CHST9: variants seen among roughly 807,000 people sequenced by gnomAD.
The protein encoded by CHST9 is GalNAc-4-sulfotransferase 2.
Under a neutral mutation model 44.4 loss-of-function variants are expected in CHST9, and 41 were observed. That is an observed-to-expected ratio of 0.92 (90% CI 0.72 to 1.20). The LOEUF is 1.20. CHST9 is among the 50% of genes most tolerant of loss of function. CHST9 has a pLI of 0.00. For missense variants in CHST9, 504 were observed against 516.5 expected, an observed-to-expected ratio of 0.98 and a Z score of 0.23; for synonymous variants, 171 against 178.4, an observed-to-expected ratio of 0.96 and a Z score of 0.33.
At chr18:27,130,039 A>G (rs752023730) in intron 2 of CHST9, among the ~76,000 whole-genome samples, 1 of 152,178 alleles carries the variant, frequency 6.6e-6, no homozygotes, top group African/African-American at 2.4e-5. Flanking sequence ...TCAGCATGGA[A>G]AAACAATTAG....
chr18:27,114,189 T>C (rs1213643047), intron 2 of CHST9, among the ~76,000 whole-genome samples: 1 of 152,214 alleles, frequency 6.6e-6, no homozygotes, highest in Admixed American at 6.5e-5. Context: ...GGTGATGTTT[T>C]ATGTTTGAGG....
At chr18:26,995,259 TAAAAAAA>T (rs56839431) in intron 4 of CHST9, among the ~76,000 whole-genome samples, 1 of 110,112 alleles carries the variant, frequency 9.1e-6, no homozygotes, top group African/African-American at 3.3e-5. Context: ...CCATCTCTAC[TAAAAAAA>T]AAAAAAAAAA....
At chr18:26,961,921 T>A (rs901676792) in intron 4 of CHST9, among the ~76,000 whole-genome samples, 2 of 152,146 alleles carry the variant, frequency 1.3e-5, no homozygotes, top group Admixed American at 1.3e-4. Context: ...CTAGTTTGTG[T>A]TGGTCTTGGG....
At chr18:27,080,350 A>T (rs966033756) in intron 2 of CHST9, among the ~76,000 whole-genome samples, 1 of 151,544 alleles carries the variant, frequency 6.6e-6, no homozygotes, top group Admixed American at 6.6e-5. Flanking sequence ...TACTTGGTTA[A>T]CTCTTACTTA....
intron 1 of CHST9, among the ~76,000 whole-genome samples, chr18:27,157,667 TA>T (rs1598765358): frequency 6.6e-6 from 1 of 152,136 alleles, no homozygotes; most frequent in Admixed American, 6.6e-5. Context: ...GTGCTCACAT[TA>T]AAATTCCAAA....
chr18:27,164,539 G>A (rs1404841684), intron 1 of CHST9, among the ~76,000 whole-genome samples: 3 of 152,018 alleles, frequency 2.0e-5, no homozygotes, highest in Non-Finnish European at 4.4e-5. Flanking sequence ...ACAAAATGAA[G>A]AAGACCATTA....
chr18:27,099,241 G>A (rs2058147452), intron 2 of CHST9, among the ~76,000 whole-genome samples: 2 of 152,074 alleles, frequency 1.3e-5, no homozygotes, highest in South Asian at 4.1e-4. Context: ...AATCCTAGAA[G>A]AAAACTGAGG....
chr18:27,000,375 T>G (rs1164304941), intron 4 of CHST9, among the ~76,000 whole-genome samples: 2 of 152,252 alleles, frequency 1.3e-5, no homozygotes. Flanking sequence ...ATGAGTTAAG[T>G]GGCAAAGGTG....
intron 5 of CHST9, among the ~76,000 whole-genome samples, chr18:26,919,038 G>T (rs1174323288): frequency 6.6e-6 from 1 of 152,152 alleles, no homozygotes; most frequent in Non-Finnish European, 1.5e-5. Context: ...AAGAGGGAGA[G>T]TGTGCAGGGG....
intron 1 of CHST9, among the ~76,000 whole-genome samples, chr18:27,183,669 C>G (rs929922925): frequency 3.9e-5 from 6 of 152,098 alleles, no homozygotes; most frequent in African/African-American, 1.2e-4. Flanking sequence ...AATTACTAGT[C>G]AGCTGTAAGT....
intron 3 of CHST9, among the ~76,000 whole-genome samples, chr18:27,035,988 C>T (rs912514183): frequency 6.6e-6 from 1 of 151,652 alleles, no homozygotes; most frequent in African/African-American, 2.4e-5. Context: ...AAATTGTACA[C>T]CTTAGATATA....
chr18:27,174,644 G>T (rs1027213040), intron 1 of CHST9, among the ~76,000 whole-genome samples: 2 of 151,826 alleles, frequency 1.3e-5, no homozygotes, highest in Non-Finnish European at 2.9e-5. Flanking sequence ...TTCTTGTTAT[G>T]GTGGTTGCAA....
chr18:27,044,852 A>T (rs1265506676), intron 3 of CHST9, among the ~76,000 whole-genome samples: 1 of 151,728 alleles, frequency 6.6e-6, no homozygotes, highest in Admixed American at 6.6e-5. Flanking sequence ...CTACTTAACT[A>T]TTTTTTTTAT....
intron 3 of CHST9, among the ~76,000 whole-genome samples, chr18:27,029,920 C>T (rs1242297807): frequency 2.0e-5 from 3 of 152,144 alleles, no homozygotes; most frequent in Non-Finnish European, 4.4e-5. Flanking sequence ...CCATCAAGTC[C>T]TTCTTTAGGT....
At chr18:27,174,163 AT>A (rs1174197469) in intron 1 of CHST9, among the ~76,000 whole-genome samples, 1 of 151,864 alleles carries the variant, frequency 6.6e-6, no homozygotes, top group South Asian at 2.1e-4. Context: ...TCCTTTATAG[AT>A]TTTTTTTCAT....
intron 2 of CHST9, among the ~76,000 whole-genome samples, chr18:27,052,245 G>T (rs1396435679): frequency 2.0e-5 from 3 of 150,366 alleles, no homozygotes. Flanking sequence ...TGTATATATA[G>T]GTGTGTGTGT....
chr18:26,969,376 CTGTGTGTGTGTGTGTG>C lies in CHST9; in HGVS notation c.203-25026_203-25011del, dbSNP rs1208856677. Among the ~76,000 whole-genome samples, 783 of 95,700 alleles carry C rather than the reference CTGTGTGTGTGTGTGTG, an allele frequency of 8.2e-3. 10 individuals carry two copies. Among genetic ancestry groups the C allele is most frequent in the Non-Finnish European group, 0.013 (478 of 36,880 alleles). 62.8% of individuals were successfully genotyped at this position (95,700 alleles called of 152,430 possible). A position where few individuals can be genotyped will look rare whatever the true frequency, so the allele number is the denominator to read the frequency against. On this transcript the variant is annotated intron_variant, in intron 4 of 5. Transcript: ENST00000618847. ...CTTTTTTGATTCTCTCTCTCTCTCT[CTGTGTGTGTGTGTGTG>C]TGTGTGTGTGTGTTAAGCCCTAATA...
chr18:27,137,357 T>C (rs894289786), intron 2 of CHST9, among the ~76,000 whole-genome samples: 5 of 126,424 alleles, frequency 4.0e-5, no homozygotes, highest in Non-Finnish European at 8.4e-5. Flanking sequence ...TGTGTGTGTA[T>C]AGAGAGAGAG....
At chr18:27,122,795 T>C (rs935366073) in intron 2 of CHST9, among the ~76,000 whole-genome samples, 2 of 152,176 alleles carry the variant, frequency 1.3e-5, no homozygotes, top group Non-Finnish European at 2.9e-5. Context: ...TTGGTTATCA[T>C]ATGAAGAAAC....
Sources: gnomAD v4.1 joint callset for allele counts (sites outside exome capture counted in the v4.1 genomes callset) on GRCh38, gnomAD v4.1.1 for gene constraint, MANE v1.5 for transcripts, NCBI Gene and HGNC (gene_info 2026-07-23, HGNC 2026-07-21) for gene names.